WWOX: variants seen among roughly 807,000 people sequenced by gnomAD.
The protein encoded by WWOX is WW domain containing oxidoreductase.
In WWOX, 69 loss-of-function variants were observed where a neutral mutation model predicts 46.2. That is an observed-to-expected ratio of 1.49 (90% CI 1.23 to 1.82). WWOX has a LOEUF of 1.82. Among genes scored for constraint, WWOX ranks in the 40% most tolerant of loss-of-function variants. The pLI, the probability that WWOX is intolerant of heterozygous loss-of-function variation, is 0.00. For synonymous variants in WWOX, 359 were observed against 202.6 expected, an observed-to-expected ratio of 1.77 and a Z score of -6.56; for missense variants, 919 against 542.6, an observed-to-expected ratio of 1.69 and a Z score of -6.89.
intron 8 of WWOX, among the ~76,000 whole-genome samples, chr16:79,038,350 A>G (rs2047907627): frequency 6.6e-6 from 1 of 152,216 alleles, no homozygotes; most frequent in South Asian, 2.1e-4. Flanking sequence ...AATGCTTATG[A>G]TACAACATTA....
chr16:78,785,636 G>C (rs549081990), intron 8 of WWOX, among the ~76,000 whole-genome samples: 2 of 152,242 alleles, frequency 1.3e-5, no homozygotes, highest in South Asian at 4.1e-4. Flanking sequence ...TCTGATTTTT[G>C]CTGCGCTATT....
At chr16:78,956,327 A>G (rs188705943) in intron 8 of WWOX, among the ~76,000 whole-genome samples, 44 of 151,842 alleles carry the variant, frequency 2.9e-4, no homozygotes, top group Admixed American at 2.3e-3. Context: ...TTTTTAATAT[A>G]TATTTTTAGT....
intron 8 of WWOX, among the ~76,000 whole-genome samples, chr16:78,967,841 G>A (rs2046391407): frequency 6.6e-6 from 1 of 152,132 alleles, no homozygotes; most frequent in African/African-American, 2.4e-5. Flanking sequence ...TGGGAGTGAT[G>A]CCACATAAAT....
At chr16:79,067,481 G>C (rs1398828921) in intron 8 of WWOX, among the ~76,000 whole-genome samples, 1 of 152,072 alleles carries the variant, frequency 6.6e-6, no homozygotes, top group Admixed American at 6.5e-5. Context: ...CTCGGCTCCT[G>C]TGAGGGCTAC....
chr16:79,071,834 G>A (rs2048556998), intron 8 of WWOX, among the ~76,000 whole-genome samples: 1 of 152,222 alleles, frequency 6.6e-6, no homozygotes, highest in South Asian at 2.1e-4. Context: ...TGGGAGCTCT[G>A]CTTCTCTGGA....
At chr16:78,438,183 A>T (rs901299897) in intron 8 of WWOX, among the ~76,000 whole-genome samples, 2 of 152,186 alleles carry the variant, frequency 1.3e-5, no homozygotes, top group African/African-American at 2.4e-5. Context: ...TTAATTTCTC[A>T]TAATTTCTGT....
chr16:78,571,567 C>G (rs1370393882), intron 8 of WWOX, among the ~76,000 whole-genome samples: 1 of 152,154 alleles, frequency 6.6e-6, no homozygotes, highest in East Asian at 1.9e-4. Flanking sequence ...TCAAACTCAT[C>G]AGTTAGAGGC....
At chr16:79,134,201 A>G (rs1268365477) in intron 8 of WWOX, among the ~76,000 whole-genome samples, 3 of 152,110 alleles carry the variant, frequency 2.0e-5, no homozygotes, top group African/African-American at 7.2e-5. Flanking sequence ...TTTTCTTACA[A>G]AGGAAAAAGA....
At chr16:78,745,000 C>A (rs1377018488) in intron 8 of WWOX, among the ~76,000 whole-genome samples, 1 of 152,192 alleles carries the variant, frequency 6.6e-6, no homozygotes, top group Non-Finnish European at 1.5e-5. Flanking sequence ...TCCCCAGTCC[C>A]TGCTTCCCAG....
intron 8 of WWOX, among the ~76,000 whole-genome samples, chr16:78,768,912 C>G (rs1002553837): frequency 6.6e-6 from 1 of 152,146 alleles, no homozygotes. Context: ...TGACGCTGCG[C>G]CATGGTGTAG....
intron 5 of WWOX, among the ~76,000 whole-genome samples, chr16:78,340,613 A>G (rs117731082): frequency 0.012 from 1,395 of 121,092 alleles, 426 homozygotes; most frequent in Admixed American, 0.029. Context: ...GGCCACGGCC[A>G]GTTAACTGTG....
intron 8 of WWOX, among the ~76,000 whole-genome samples, chr16:78,826,469 C>G (rs2051660378): frequency 6.6e-6 from 1 of 152,238 alleles, no homozygotes; most frequent in Non-Finnish European, 1.5e-5. Context: ...TCTTTCGTTT[C>G]TGGTGGCTGC....
At chr16:78,865,254 T>C (rs1175852007) in intron 8 of WWOX, among the ~76,000 whole-genome samples, 3 of 152,190 alleles carry the variant, frequency 2.0e-5, no homozygotes, top group African/African-American at 7.2e-5. Flanking sequence ...CTCTCTTCCT[T>C]TATTTTTTTC....
At chr16:78,230,279 G>T (rs34707065) in intron 5 of WWOX, among the ~76,000 whole-genome samples, 18,514 of 152,192 alleles carry the variant, frequency 0.12, 1,304 homozygotes, top group Non-Finnish European at 0.15. Context: ...AGTGAGAATA[G>T]CTGCAGTTAT....
intron 8 of WWOX, among the ~76,000 whole-genome samples, chr16:78,759,904 G>A (rs184264050): frequency 4.6e-5 from 7 of 152,180 alleles, no homozygotes; most frequent in Non-Finnish European, 1.0e-4. Context: ...TTCAGCTCAC[G>A]GCCACAGCAC....
At chr16:78,460,133 C>G (rs1041238290) in intron 8 of WWOX, among the ~76,000 whole-genome samples, 1 of 151,698 alleles carries the variant, frequency 6.6e-6, no homozygotes. Flanking sequence ...CTCCCCTTCC[C>G]TCCCTTCCCC....
At chr16:78,313,797 A>G (rs1379590763) in intron 5 of WWOX, among the ~76,000 whole-genome samples, 1 of 152,150 alleles carries the variant, frequency 6.6e-6, no homozygotes, top group Non-Finnish European at 1.5e-5. Context: ...GGCCATCAGA[A>G]TTTGGTTTCA....
chr16:78,869,513 T>C (rs953704007), intron 8 of WWOX, among the ~76,000 whole-genome samples: 2 of 152,342 alleles, frequency 1.3e-5, no homozygotes, highest in East Asian at 1.9e-4. Flanking sequence ...ATGAAGGATG[T>C]AAAATAGGAT....
At chr16:78,776,438 A>G in intron 8 of WWOX, among the ~76,000 whole-genome samples, 1 of 152,092 alleles carries the variant, frequency 6.6e-6, no homozygotes, top group East Asian at 1.9e-4. Flanking sequence ...CTCATCTGTA[A>G]AATGGGGATT....
Sources: gnomAD v4.1 joint callset for allele counts (sites outside exome capture counted in the v4.1 genomes callset) on GRCh38, gnomAD v4.1.1 for gene constraint, MANE v1.5 for transcripts, NCBI Gene and HGNC (gene_info 2026-07-23, HGNC 2026-07-21) for gene names.